Variants in PCDHGA2 observed in about 807,000 individuals in gnomAD.
PCDHGA2 encodes protocadherin gamma subfamily A, 2.
In PCDHGA2, 40 loss-of-function variants were observed where a neutral mutation model predicts 59.2. That is an observed-to-expected ratio of 0.68 (90% confidence interval 0.52 to 0.88). PCDHGA2 has a LOEUF of 0.88. PCDHGA2 is among the 40% of genes least tolerant of loss of function. PCDHGA2 has a pLI of 0.00. For synonymous variants in PCDHGA2, 560 were observed against 526.0 expected (o/e 1.06, Z -0.89); for missense variants, 1,226 against 1,204.0 (o/e 1.02, Z -0.27).
intron 1 of PCDHGA2, chr5:141,357,298 G>A (rs767893393): frequency 6.2e-7 from 1 of 1,613,908 alleles, no homozygotes; most frequent in Non-Finnish European, 8.5e-7. Context: ...AGTGGCCGCT[G>A]TCTCCTGCGT....
chr5:141,438,450 A>G (rs1017249043), intron 1 of PCDHGA2, among the ~76,000 whole-genome samples: 32 of 151,738 alleles, frequency 2.1e-4, no homozygotes, highest in African/African-American at 7.5e-4. Flanking sequence ...ACTCAATACA[A>G]TGCTTGAGTT....
At chr5:141,360,787 G>A (rs758998647) in intron 1 of PCDHGA2, 14 of 1,613,764 alleles carry the variant, frequency 8.7e-6, no homozygotes, top group African/African-American at 1.3e-5. Flanking sequence ...TGTGGATGGC[G>A]GAGACCCACC....
intron 1 of PCDHGA2, among the ~76,000 whole-genome samples, chr5:141,363,780 TTTATC>T (rs1312673408): frequency 6.6e-6 from 1 of 152,228 alleles, no homozygotes; most frequent in Non-Finnish European, 1.5e-5. Flanking sequence ...TTTTCCTAAA[TTTATC>T]CTAATAAGGA....
chr5:141,487,377 C>G lies in PCDHGA2; in HGVS notation c.2425-7430C>G, dbSNP rs758216933. On this transcript the variant is annotated intron_variant, in intron 1 of 3. Coordinates refer to ENST00000394576, the MANE Select transcript of PCDHGA2 (RefSeq NM_018915.4). This position sits in a 1 kb window ranked among gnomAD's most constrained non-coding sequence, Gnocchi z 5.0. ...CCTGCTGGCACCTGTGCCTGTCTCA[C>G]CAGATCTCGAAGGAGGGAGGGGCTT... 6.2e-7 allele frequency: 1 copy of G among 1,614,190 alleles called. No individual in the cohort carries two copies. The highest frequency in any genetic ancestry group is 1.1e-5 in the South Asian group (1 of 91,086).
At chr5:141,379,257 AG>A (rs1177830899) in intron 1 of PCDHGA2, 8 of 152,234 alleles carry the variant, frequency 5.3e-5, no homozygotes, top group Non-Finnish European at 1.2e-4. Flanking sequence ...TTTACATTTA[AG>A]GAATTGTTAT....
At chr5:141,380,295 A>G (rs956041839) in intron 1 of PCDHGA2, among the ~76,000 whole-genome samples, 2 of 152,172 alleles carry the variant, frequency 1.3e-5, no homozygotes, top group African/African-American at 2.4e-5. Flanking sequence ...GAAGATACCT[A>G]TATCTTTGCT....
At chr5:141,384,644 C>A (rs757384812) in intron 1 of PCDHGA2, 2 of 1,614,116 alleles carry the variant, frequency 1.2e-6, no homozygotes, top group African/African-American at 1.3e-5. Context: ...CCCCGCTCCG[C>A]AGAGCCCGGC....
At chr5:141,395,351 G>A (rs2093220052) in intron 1 of PCDHGA2, 1 of 1,366,364 alleles carries the variant, frequency 7.3e-7, no homozygotes, top group East Asian at 2.5e-5. Context: ...GTGTATCACA[G>A]AGTTTTGGGT....
chr5:141,498,104 C>T (rs530844708), intron 2 of PCDHGA2, among the ~76,000 whole-genome samples: 2 of 152,106 alleles, frequency 1.3e-5, no homozygotes, highest in African/African-American at 4.8e-5. Context: ...GTGGTGTGGG[C>T]GTATAATAGG....
chr5:141,448,511 A>C (rs2098593334), intron 1 of PCDHGA2, among the ~76,000 whole-genome samples: 1 of 152,076 alleles, frequency 6.6e-6, no homozygotes, highest in Admixed American at 6.6e-5. Context: ...ACATTTTATA[A>C]CTTTATTAAG....
At chr5:141,367,133 A>G (rs1764963646) in intron 1 of PCDHGA2, 1 of 207,884 alleles carries the variant, frequency 4.8e-6, no homozygotes, top group Non-Finnish European at 9.7e-6. Context: ...GTGTTTTGGA[A>G]AGGATAATGT....
intron 1 of PCDHGA2, chr5:141,418,261 G>T (rs763160633): frequency 1.9e-6 from 3 of 1,613,938 alleles, no homozygotes; most frequent in Non-Finnish European, 2.5e-6. Flanking sequence ...CTCAATTCCG[G>T]AAAGATGAAA....
intron 1 of PCDHGA2, chr5:141,364,455 G>C (rs753233498): frequency 1.9e-6 from 3 of 1,614,000 alleles, no homozygotes; most frequent in South Asian, 1.1e-5. Flanking sequence ...CTGGACAAAG[G>C]CTCCTTCGTC....
At chr5:141,405,441 A>G (rs1049992632) in intron 1 of PCDHGA2, 1 of 1,376,552 alleles carries the variant, frequency 7.3e-7, no homozygotes, top group Non-Finnish European at 1.0e-6. Context: ...TGTTTTTGAG[A>G]CAGAGTCTTA....
intron 1 of PCDHGA2, chr5:141,365,865 G>A (rs1444429243): frequency 1.9e-6 from 3 of 1,614,056 alleles, no homozygotes; most frequent in Non-Finnish European, 2.5e-6. Context: ...TCTGACACCG[G>A]TGTCCTGTAT....
intron 1 of PCDHGA2, among the ~76,000 whole-genome samples, chr5:141,354,023 A>G (rs1041972716): frequency 6.6e-6 from 1 of 152,240 alleles, no homozygotes; most frequent in Non-Finnish European, 1.5e-5. Context: ...AAGTATTCAT[A>G]AGAAAGAAAG....
At chr5:141,463,493 G>C (rs2099061978) in intron 1 of PCDHGA2, among the ~76,000 whole-genome samples, 1 of 128,844 alleles carries the variant, frequency 7.8e-6, no homozygotes, top group Admixed American at 9.6e-5. Flanking sequence ...CTGTCACCCA[G>C]GCTGGAGTGA....
intron 1 of PCDHGA2, among the ~76,000 whole-genome samples, chr5:141,362,918 A>G (rs1159193332): frequency 6.6e-6 from 1 of 152,244 alleles, no homozygotes; most frequent in African/African-American, 2.4e-5. Context: ...AATACTTCAG[A>G]GTAAAGAGAG....
At chr5:141,372,265 G>T (rs1317887998) in intron 1 of PCDHGA2, 2 of 1,613,014 alleles carry the variant, frequency 1.2e-6, no homozygotes, top group Non-Finnish European at 1.7e-6. Flanking sequence ...CTGCGCACGG[G>T]TGAGGTGCGC....
Sources: allele counts gnomAD v4.1 joint callset (sites outside exome capture counted in the v4.1 genomes callset), GRCh38; gene constraint gnomAD v4.1.1; non-coding constraint Gnocchi (gnomAD v3.1); transcripts MANE v1.5; gene names NCBI Gene and HGNC (gene_info 2026-07-23, HGNC 2026-07-21).